PIGN: variants seen among roughly 807,000 people sequenced by gnomAD.
The protein encoded by PIGN is GPI ethanolamine phosphate transferase 1.
Under a neutral mutation model 125.4 loss-of-function variants are expected in PIGN, and 117 were observed. That is an observed-to-expected ratio of 0.93 (90% CI 0.80 to 1.09). The LOEUF (loss-of-function observed/expected upper bound fraction) is 1.09. PIGN is among the 50% of genes least tolerant of loss of function. The probability of loss-of-function intolerance (pLI) is 0.00; values close to 1 mark genes in which losing one functional copy is unlikely to be tolerated. For missense variants in PIGN, 1,075 were observed against 1,094.9 expected (o/e 0.98, Z 0.26); for synonymous variants, 392 against 377.8 (o/e 1.04, Z -0.44).
At chr18:62,020,728 T>C (rs968472212) in intron 23 of PIGN, among the ~76,000 whole-genome samples, 3 of 150,684 alleles carry the variant, frequency 2.0e-5, no homozygotes, top group Admixed American at 1.3e-4. Flanking sequence ...GGTGGGCAGA[T>C]CACGAGGTCA....
At chr18:62,036,022 T>C (rs1300640372) in intron 23 of PIGN, among the ~76,000 whole-genome samples, 1 of 152,094 alleles carries the variant, frequency 6.6e-6, no homozygotes, top group Non-Finnish European at 1.5e-5. Context: ...GCATTATTCC[T>C]AGGTTGCAAA....
chr18:62,056,307 G>C (rs1361171275), intron 30 of PIGN, among the ~76,000 whole-genome samples: 3 of 151,834 alleles, frequency 2.0e-5, no homozygotes, highest in Admixed American at 2.0e-4. Context: ...TGTCACCCAA[G>C]ATCAAGGAAT....
chr18:62,017,700 C>T (rs1339188078), exon 24 of PIGN: 4 of 152,118 alleles, frequency 2.6e-5, no homozygotes, highest in Admixed American at 2.0e-4. Flanking sequence ...ATGTTTCCTA[C>T]ACCTCCAGGC....
chr18:62,148,259 A>G lies in PIGN; in HGVS notation c.629T>C (p.Leu210Ser). 1.3e-6 allele frequency: 2 copies of G among 1,538,726 alleles called. No individual in the cohort carries two copies. The highest frequency in any genetic ancestry group is 1.8e-6 in the Non-Finnish European group (2 of 1,140,110). ...ATGTCCGTTTGTATCTATTCCTAAT[A>G]AATGTAAGAAAAAAACTATTTTCTC... The part of the protein sequence containing the change: ...NEEKIVFFLH[L>S]LGIDTNGHAH... The change falls in exon 8 of 31, where the codon TTA becomes TCA. Residue 210 changes from leucine (L) to serine (S), a missense_variant. Transcript: ENST00000640252.
rs188140636 is a variant in PIGN, at chr18:62,148,490, T to C, written c.550-152A>G. Among the ~76,000 whole-genome samples, 236 of 152,254 alleles carry C rather than the reference T, an allele frequency of 1.6e-3. 1 individual carries two copies. Among genetic ancestry groups the C allele is most frequent in the African/African-American group, 5.3e-3 (220 of 41,568 alleles). On this transcript the variant is annotated intron_variant, in intron 7 of 30. Transcript: ENST00000640252. ...CTCAAGACCTACCAACACAACGTCT[T>C]TGCTATCAGTTCAGACATCTATGTT...
chr18:62,147,100 C>CTATTGTACAAAATTG lies in PIGN; in HGVS notation c.675_676insCAATTTTGTACAATA (p.Arg225_Asp226insGlnPheCysThrIle), dbSNP rs1395463475. ...ACTTTTTTAATATTGTGCTTGTAGT[C>CTATTGTACAAAATTG]TCTATTTGTAAAGAAACAGAGGAAC... On this transcript the variant is annotated inframe_insertion and splice_region_variant, in exon 9 of 31. Coordinates refer to ENST00000640252, the MANE Select transcript of PIGN (RefSeq NM_176787.5). The CTATTGTACAAAATTG allele has an allele frequency of 6.3e-7, 1 of 1,594,032 alleles. No homozygotes were observed.
At chr18:62,029,665 G>A (rs916589813) in intron 23 of PIGN, among the ~76,000 whole-genome samples, 1 of 152,218 alleles carries the variant, frequency 6.6e-6, no homozygotes, top group Admixed American at 6.5e-5. Flanking sequence ...AACGACATAA[G>A]TGGGGAGGCG....
At chr18:62,147,200 T>G (rs1195904728) in intron 8 of PIGN, 99 bp from the exon 9 acceptor site, 13 of 1,343,040 alleles carry the variant, frequency 9.7e-6, no homozygotes, top group Non-Finnish European at 1.2e-5. Context: ...ACTTCTGAAA[T>G]GCTTTTAGAT....
chr18:62,090,427 T>C, intron 24 of PIGN, 49 bp downstream of exon 24: 5 of 1,024,910 alleles, frequency 4.9e-6, no homozygotes, highest in Non-Finnish European at 7.4e-6. Context: ...CCTTATAGGA[T>C]AGAGACTAAT....
At chr18:62,155,086 A>T (rs1472804) in intron 6 of PIGN, among the ~76,000 whole-genome samples, 3 of 151,968 alleles carry the variant, frequency 2.0e-5, no homozygotes, top group Non-Finnish European at 2.9e-5. Context: ...AAGAAAATTC[A>T]GATATTTCAC....
intron 14 of PIGN, among the ~76,000 whole-genome samples, chr18:62,129,699 C>CT (rs2035663004): frequency 6.3e-3 from 1 of 158 alleles, no homozygotes; most frequent in Non-Finnish European, 0.014. Context: ...TTTCCAACAT[C>CT]AGTATAGTGC....
At chr18:62,140,369 G>C (rs564323915) in intron 12 of PIGN, 51 bp downstream of exon 12, 12 of 807,380 alleles carry the variant, frequency 1.5e-5, no homozygotes, top group Non-Finnish European at 2.4e-5. Context: ...ATTTTACTGT[G>C]CGATAGTTTT....
intron 14 of PIGN, among the ~76,000 whole-genome samples, chr18:62,127,769 G>T (rs1260300925): frequency 6.6e-6 from 1 of 151,962 alleles, no homozygotes; most frequent in African/African-American, 2.4e-5. Flanking sequence ...AGGTTCGCTG[G>T]AGCCTTGATC....
chr18:62,143,944 AG>A (rs1463934675), intron 10 of PIGN, among the ~76,000 whole-genome samples: 4 of 152,210 alleles, frequency 2.6e-5, no homozygotes, highest in African/African-American at 7.2e-5. Context: ...TGATTATGAG[AG>A]ACCGTCTTGA....
At chr18:62,025,865 A>C (rs2030111692) in intron 23 of PIGN, among the ~76,000 whole-genome samples, 2 of 152,190 alleles carry the variant, frequency 1.3e-5, no homozygotes, top group South Asian at 4.1e-4. Flanking sequence ...GCCTCCTGCC[A>C]CTGCCCCTGT....
chr18:62,153,336 C>T (rs749225850), intron 7 of PIGN: 4 of 152,016 alleles, frequency 2.6e-5, no homozygotes, highest in Non-Finnish European at 4.4e-5. Flanking sequence ...ATATATCTAC[C>T]ATATTTTATG....
At chr18:62,115,178 C>T (rs1004410039) in intron 14 of PIGN, among the ~76,000 whole-genome samples, 5 of 152,134 alleles carry the variant, frequency 3.3e-5, no homozygotes, top group Non-Finnish European at 1.5e-5. Context: ...ATACCTTCTT[C>T]GTTCCTCTTT....
chr18:62,186,493 T>G (rs1349522518), intron 1 of PIGN, among the ~76,000 whole-genome samples: 1 of 152,226 alleles, frequency 6.6e-6, no homozygotes, highest in Non-Finnish European at 1.5e-5. Context: ...ACAATTTGTT[T>G]TCCAACTCGA....
At chr18:62,021,779 T>C (rs542532202) in intron 23 of PIGN, among the ~76,000 whole-genome samples, 9 of 152,202 alleles carry the variant, frequency 5.9e-5, no homozygotes, top group Non-Finnish European at 1.2e-4. Context: ...ACAGTTTCTA[T>C]AGGTCAGAAG....
Sources: gnomAD v4.1 joint callset for allele counts (sites outside exome capture counted in the v4.1 genomes callset) on GRCh38, gnomAD v4.1.1 for gene constraint, MANE v1.5 for transcripts, NCBI Gene and HGNC (gene_info 2026-07-23, HGNC 2026-07-21) for gene names.